Variants in DNAH8 observed in about 807,000 individuals in gnomAD.
DNAH8 encodes axonemal beta dynein heavy chain 8.
DNAH8 carries 382 observed loss-of-function variants against 562.1 expected under a neutral mutation model. That is an observed-to-expected ratio of 0.68 (90% CI 0.63 to 0.74). The LOEUF (loss-of-function observed/expected upper bound fraction) is 0.74, where lower values mean the gene tolerates loss of function less well. Ranked by LOEUF, DNAH8 falls within the 30% of genes least tolerant of loss-of-function variation. The pLI is 0.00. For missense variants in DNAH8, 5,203 were observed against 5,620.4 expected (o/e 0.93, Z 2.37); for synonymous variants, 1,881 against 1,919.4 (o/e 0.98, Z 0.52).
In DNAH8 at chr6:38,729,918, A is replaced by AT. The variant is rs1032638497; in HGVS notation, c.549dup (p.Ala184CysfsTer6). On this transcript the variant is annotated frameshift_variant, in exon 4 of 93. Transcript: ENST00000327475. LOFTEE classifies it high-confidence loss of function. ...ATTTAACAGCTGGAAGCATTTACTA[A>AT]TTTTTTTGCGAAAGATGGTTGTAAG... 8.2e-6 allele frequency: 13 copies of AT among 1,579,080 alleles called. No homozygotes were observed. Among genetic ancestry groups the AT allele is most frequent in the Middle Eastern group, 1.7e-4 (1 of 6,002 alleles).
intron 9 of DNAH8, among the ~76,000 whole-genome samples, chr6:38,755,576 A>G (rs1227523580): frequency 6.6e-6 from 1 of 152,188 alleles, no homozygotes; most frequent in African/African-American, 2.4e-5. Context: ...TATGACCTTA[A>G]GAAAGTCACT....
chr6:38,809,518 G>T (rs943086949), intron 24 of DNAH8, among the ~76,000 whole-genome samples: 5 of 152,156 alleles, frequency 3.3e-5, no homozygotes, highest in African/African-American at 9.7e-5. Flanking sequence ...TCAGGTGGGG[G>T]AGTTATTTAA....
intron 70 of DNAH8, among the ~76,000 whole-genome samples, chr6:38,919,682 C>A (rs73426190): frequency 0.017 from 2,646 of 152,042 alleles, 83 homozygotes; most frequent in African/African-American, 0.057. Flanking sequence ...GCAAAAAATC[C>A]TGGGGTCTCA....
Position 38,977,513 on chromosome 6 carries a change from A to G in DNAH8, c.12834+2984A>G, listed in dbSNP as rs112350079. On this transcript the variant is annotated intron_variant, in intron 85 of 92. Transcript: ENST00000327475. ...TGCCACTCCCTGAGAATGTTTCAGC[A>G]TCCTCTTGAAGATTACTTAGGAGGG... Among the ~76,000 whole-genome samples, 209 of 152,124 alleles carry G rather than the reference A, an allele frequency of 1.4e-3. 1 individual carries two copies. Among genetic ancestry groups the G allele is most frequent in the African/African-American group, 4.7e-3 (195 of 41,510 alleles).
chr6:38,945,467 G>C lies in DNAH8; in HGVS notation c.12008G>C (p.Gly4003Ala), dbSNP rs1256815632. The change falls in exon 80 of 93, where the codon GGG becomes GCG. Residue 4003 changes from glycine to alanine, a missense_variant and splice_region_variant. Transcript: ENST00000327475. The part of the protein sequence containing the change: ...KHREFQALIK[G>A]GAALDLKACP... ...CACCCTGTCTGACGCTCTTCCCCAG[G>C]GGGAGCAGCTCTGGACCTGAAAGCC... 1 of 1,614,044 alleles carries C rather than the reference G, an allele frequency of 6.2e-7. No homozygotes were observed. The highest frequency in any genetic ancestry group is 8.5e-7 in the Non-Finnish European group (1 of 1,179,938).
At position 38,886,905 on chromosome 6, in the gene DNAH8, C is replaced by A; in HGVS notation, c.8374C>A (p.Pro2792Thr). 1 of 1,613,896 alleles carries A rather than the reference C, an allele frequency of 6.2e-7. No homozygotes were observed. Among genetic ancestry groups the A allele is most frequent in the Non-Finnish European group, 8.5e-7 (1 of 1,179,842 alleles). The change falls in exon 57 of 93, where the codon CCT becomes ACT. Residue 2792 changes from proline (P) to threonine (T), a missense_variant. Transcript: ENST00000327475. ...GCAGCTCATAGCAGCAATGATCCAC[C>A]CTGGAGGTGGTCGAAATGATATTCC... Reference protein sequence around the residue: ...DVQLIAAMIHPGGGRNDIPQR... With the variant: ...DVQLIAAMIHTGGGRNDIPQR...
Position 38,741,862 on chromosome 6 carries a change from A to G in DNAH8, c.1268A>G (p.Asn423Ser), listed in dbSNP as rs1764543965. ...TGTAAGGCTGTCATAAATGTGCTAA[A>G]TGTTGCACACTCCAAACTGCTAAAG... Reference protein sequence around the residue: ...PSCKAVINVLNVAHSKLLKNW... With the variant: ...PSCKAVINVLSVAHSKLLKNW... Residue 423 changes from asparagine (N) to serine (S), a missense_variant, in exon 8 of 93, where the codon AAT (asparagine) becomes AGT (serine). Asn to Ser is a conservative substitution (Grantham distance 46). Coordinates refer to ENST00000327475, the MANE Select transcript of DNAH8 (RefSeq NM_001206927.2). 1.2e-6 allele frequency: 2 copies of G among 1,613,596 alleles called. No homozygotes were observed. The highest frequency in any genetic ancestry group is 1.7e-6 in the Non-Finnish European group (2 of 1,179,836).
chr6:38,886,053 G>T (rs1376962946), intron 56 of DNAH8, among the ~76,000 whole-genome samples: 2 of 152,208 alleles, frequency 1.3e-5, no homozygotes, highest in African/African-American at 2.4e-5. Flanking sequence ...ATAGAGACTT[G>T]AATATACAGG....
chr6:38,845,444 C>A (rs545741118), intron 35 of DNAH8, 130 bp from the exon 36 acceptor site: 9 of 653,066 alleles, frequency 1.4e-5, no homozygotes, highest in Non-Finnish European at 2.4e-5. Flanking sequence ...CTTTTCTTGG[C>A]TGTAAAATGA....
At position 38,876,127 on chromosome 6, in the gene DNAH8, C is replaced by T. The variant is rs561382274; in HGVS notation, c.7858+299C>T. ...TCTAATGCTGGAATAGGAAAGGTAG[C>T]AGCGTGGAGAACACAGATTCTTCAT... On this transcript the variant is annotated intron_variant, in intron 53 of 92. Coordinates refer to ENST00000327475, the MANE Select transcript of DNAH8 (RefSeq NM_001206927.2). Among the ~76,000 whole-genome samples the T allele has an allele frequency of 1.9e-4, 29 of 152,316 alleles. No homozygotes were observed. The South Asian group carries it at 6.0e-3, about 32-fold the overall frequency.
intron 70 of DNAH8, 82 bp downstream of exon 70, chr6:38,918,222 G>C: frequency 9.7e-7 from 1 of 1,026,958 alleles, no homozygotes; most frequent in South Asian, 1.6e-5. Flanking sequence ...AAGACAATGC[G>C]TAGTTTAGAC....
chr6:38,724,903 T>C (rs1763080653), intron 3 of DNAH8, among the ~76,000 whole-genome samples: 2 of 151,860 alleles, frequency 1.3e-5, no homozygotes, highest in African/African-American at 4.8e-5. Flanking sequence ...TGTGGTGAGG[T>C]TGTCACCATG....
rs539580814 is a variant in DNAH8 at position 38,936,321 on chromosome 6, G to A, written c.11563+624G>A. 6 of 152,272 alleles carry A rather than the reference G, an allele frequency of 3.9e-5. No homozygotes were observed. The South Asian group carries it at 1.2e-3, about 32-fold the overall frequency. The allele number at this position is 152,272 out of a possible 1,614,324, so 9.4% of individuals were successfully genotyped here. On this transcript the variant is annotated intron_variant, in intron 77 of 92. Coordinates refer to ENST00000327475, the MANE Select transcript of DNAH8 (RefSeq NM_001206927.2). ...CTACTTGGCTTGACCTCCCACTTTA[G>A]ATGGGAAAGACAGGTTCTCCTCTGG...
chr6:38,835,150 C>CA (rs1162920983), intron 32 of DNAH8, among the ~76,000 whole-genome samples: 3 of 152,086 alleles, frequency 2.0e-5, no homozygotes, highest in Admixed American at 2.0e-4. Flanking sequence ...TTCACACATC[C>CA]ACATGGATTA....
intron 91 of DNAH8, among the ~76,000 whole-genome samples, chr6:39,025,719 T>G (rs1306848057): frequency 2.0e-5 from 3 of 152,144 alleles, no homozygotes; most frequent in Non-Finnish European, 4.4e-5. Flanking sequence ...AATCTAGGAG[T>G]AGCGGGAACA....
intron 53 of DNAH8, among the ~76,000 whole-genome samples, chr6:38,881,616 A>G (rs1286427962): frequency 4.8e-5 from 7 of 145,330 alleles, no homozygotes; most frequent in African/African-American, 1.8e-4. Flanking sequence ...CAATGGCGCG[A>G]TCTTGGCTCA....
At chr6:38,895,840 C>T (rs1218569399) in intron 59 of DNAH8, among the ~76,000 whole-genome samples, 193 bp from the exon 60 acceptor site, 1 of 152,186 alleles carries the variant, frequency 6.6e-6, no homozygotes, top group African/African-American at 2.4e-5. Context: ...TCTGTGTTTT[C>T]TATAAGTAGT....
intron 22 of DNAH8, 35 bp downstream of exon 22, chr6:38,803,346 A>G: frequency 1.3e-6 from 2 of 1,560,374 alleles, no homozygotes; most frequent in African/African-American, 1.4e-5. Context: ...GAATTACAAG[A>G]TCTACAGATT....
chr6:38,817,078 C>A (rs149174251), intron 26 of DNAH8, among the ~76,000 whole-genome samples: 5 of 152,146 alleles, frequency 3.3e-5, no homozygotes, highest in Admixed American at 1.3e-4. Context: ...TGTGGTGGCT[C>A]ACGTCTGTAA....
Sources: allele counts gnomAD v4.1 joint callset (sites outside exome capture counted in the v4.1 genomes callset), GRCh38; gene constraint gnomAD v4.1.1; transcripts MANE v1.5; gene names NCBI Gene and HGNC (gene_info 2026-07-23, HGNC 2026-07-21).